ABI1: variants seen among roughly 807,000 people sequenced by gnomAD.
The protein encoded by ABI1 is abl interactor 1.
Under a neutral mutation model 54.6 loss-of-function variants are expected in ABI1, and 14 were observed. The observed-to-expected ratio is 0.26, with a 90% CI of 0.17 to 0.40. The LOEUF is 0.40. Among genes scored for constraint, ABI1 ranks in the 10% least tolerant of loss-of-function variants. The pLI, the probability that ABI1 is intolerant of heterozygous loss-of-function variation, is 1.00. For missense variants in ABI1, 443 were observed against 598.3 expected (o/e 0.74, Z 2.71); for synonymous variants, 194 against 209.3 (o/e 0.93, Z 0.63).
At chr10:26,824,632 A>T (rs72629731) in intron 1 of ABI1, among the ~76,000 whole-genome samples, 3,256 of 152,288 alleles carry the variant, frequency 0.021, 230 homozygotes, top group East Asian at 0.2. Flanking sequence ...GTGGGAAAAA[A>T]TGTGTATAAT....
intron 2 of ABI1, among the ~76,000 whole-genome samples, chr10:26,793,742 G>C (rs532835122): frequency 1.3e-5 from 2 of 152,214 alleles, no homozygotes; most frequent in East Asian, 3.9e-4. Context: ...GCTTTTAATA[G>C]AACATTAGAT....
At chr10:26,763,670 A>G (rs994249237) in intron 7 of ABI1, among the ~76,000 whole-genome samples, 1 of 152,236 alleles carries the variant, frequency 6.6e-6, no homozygotes, top group Non-Finnish European at 1.5e-5. Flanking sequence ...CAAGCATTTC[A>G]TATTATAGAA....
chr10:26,820,258 C>T (rs1564539779), intron 2 of ABI1, among the ~76,000 whole-genome samples: 1 of 152,072 alleles, frequency 6.6e-6, no homozygotes, highest in Non-Finnish European at 1.5e-5. Context: ...GTAATCATTT[C>T]ACAATGTATA....
chr10:26,827,973 CA>C, intron 1 of ABI1, among the ~76,000 whole-genome samples: 1 of 152,366 alleles, frequency 6.6e-6, no homozygotes, highest in East Asian at 1.9e-4. Flanking sequence ...TTTGCATTCA[CA>C]ACTTAGCTAA....
chr10:26,854,733 T>C (rs2050678815), intron 1 of ABI1, among the ~76,000 whole-genome samples: 1 of 152,220 alleles, frequency 6.6e-6, no homozygotes, highest in African/African-American at 2.4e-5. Context: ...TCTATCCTCA[T>C]CTCCTGAATC....
rs576790267 is a variant in ABI1, at chr10:26,803,007, T to G, written c.285+20131A>C. The stretch of plus-strand genomic sequence containing the variant: ...AAGCTATCTGTCATGCAGGAGTATA[T>G]ATAGAAGTACTAGGAAAAATCAAAC... On this transcript the variant is annotated intron_variant, in intron 2 of 10. Transcript: ENST00000376140. Among the ~76,000 whole-genome samples, 6 of 152,250 alleles carry G rather than the reference T, an allele frequency of 3.9e-5. No individual in the cohort carries two copies. The South Asian group carries it at 1.2e-3, about 32-fold the overall frequency.
At chr10:26,825,985 T>A (rs1186272971) in intron 1 of ABI1, among the ~76,000 whole-genome samples, 1 of 152,196 alleles carries the variant, frequency 6.6e-6, no homozygotes, top group East Asian at 1.9e-4. Context: ...GCATCATCCA[T>A]GAGGGCTGGA....
At chr10:26,768,760 AC>A in intron 6 of ABI1, 91 bp downstream of exon 6, 1 of 1,013,686 alleles carries the variant, frequency 9.9e-7, no homozygotes, top group Non-Finnish European at 1.4e-6. Flanking sequence ...TTAGAGTGGC[AC>A]CTCACCTTTA....
At chr10:26,815,671 G>C (rs1489408326) in intron 2 of ABI1, among the ~76,000 whole-genome samples, 2 of 152,134 alleles carry the variant, frequency 1.3e-5, no homozygotes, top group Non-Finnish European at 2.9e-5. Context: ...ACTTTGGAAG[G>C]CCAAGGTGGA....
chr10:26,841,277 T>A (rs943976562), intron 1 of ABI1, among the ~76,000 whole-genome samples: 2 of 152,174 alleles, frequency 1.3e-5, no homozygotes, highest in Admixed American at 6.5e-5. Flanking sequence ...TTATTTCATT[T>A]TTTAAATAAA....
At chr10:26,755,595 C>T in intron 9 of ABI1, 60 bp downstream of exon 9, 1 of 1,313,686 alleles carries the variant, frequency 7.6e-7, no homozygotes, top group Non-Finnish European at 1.1e-6. Context: ...TCATCGTCAG[C>T]CATGCATGCT....
At chr10:26,782,371 A>AAC (rs1564492251) in intron 2 of ABI1, among the ~76,000 whole-genome samples, 3 of 151,604 alleles carry the variant, frequency 2.0e-5, no homozygotes, top group Admixed American at 6.6e-5. Context: ...ACAACAACAA[A>AAC]AAAAAAAACC....
chr10:26,761,661 T>TACAC (rs1554806654), intron 7 of ABI1, among the ~76,000 whole-genome samples: 891 of 78,578 alleles, frequency 0.011, 47 homozygotes, highest in African/African-American at 0.034. Flanking sequence ...TATATATATA[T>TACAC]ACACACACAC....
At chr10:26,817,160 C>T (rs953107011) in intron 2 of ABI1, among the ~76,000 whole-genome samples, 1 of 151,884 alleles carries the variant, frequency 6.6e-6, no homozygotes, top group Non-Finnish European at 1.5e-5. Flanking sequence ...CTAGCACGCC[C>T]GCCTAATTTT....
chr10:26,769,524 C>A (rs954158495), intron 5 of ABI1, among the ~76,000 whole-genome samples: 1 of 151,476 alleles, frequency 6.6e-6, no homozygotes, highest in Admixed American at 6.6e-5. Flanking sequence ...AAAACTAAGA[C>A]CTTCTTAAAA....
chr10:26,752,605 T>TA (rs3839923), intron 9 of ABI1, among the ~76,000 whole-genome samples: 10,238 of 151,566 alleles, frequency 0.068, 381 homozygotes, highest in East Asian at 0.14. Flanking sequence ...AAGATGTAAT[T>TA]AAAAAAAACA....
intron 2 of ABI1, among the ~76,000 whole-genome samples, chr10:26,806,263 A>G (rs961337388): frequency 2.0e-5 from 3 of 152,236 alleles, no homozygotes; most frequent in Non-Finnish European, 4.4e-5. Flanking sequence ...GCTTCTGGAT[A>G]CAATTTCTGA....
At chr10:26,845,911 G>A (rs2134144923) in intron 1 of ABI1, among the ~76,000 whole-genome samples, 1 of 152,188 alleles carries the variant, frequency 6.6e-6, no homozygotes, top group Middle Eastern at 3.4e-3. Flanking sequence ...GGGAGGCCGA[G>A]GCAGGCAGAG....
chr10:26,753,592 C>T (rs546800381), intron 9 of ABI1, among the ~76,000 whole-genome samples: 1 of 152,254 alleles, frequency 6.6e-6, no homozygotes, highest in East Asian at 1.9e-4. Flanking sequence ...TTTTTAGAGG[C>T]TCATATCTTA....
Sources: gnomAD v4.1 joint callset for allele counts (sites outside exome capture counted in the v4.1 genomes callset) on GRCh38, gnomAD v4.1.1 for gene constraint, MANE v1.5 for transcripts, NCBI Gene and HGNC (gene_info 2026-07-23, HGNC 2026-07-21) for gene names.